The following ZDHHC3 variants were observed in gnomAD, a reference collection of about 807,000 sequenced individuals.
The protein encoded by ZDHHC3 is palmitoyltransferase ZDHHC3.
Under a neutral mutation model 30.6 loss-of-function variants are expected in ZDHHC3, and 9 were observed. The observed-to-expected ratio is 0.29, with a 90% CI of 0.18 to 0.51. The LOEUF (loss-of-function observed/expected upper bound fraction) is 0.51, where lower values mean the gene tolerates loss of function less well. Ranked by LOEUF, ZDHHC3 falls within the 20% of genes least tolerant of loss-of-function variation. The pLI, the probability that ZDHHC3 is intolerant of heterozygous loss-of-function variation, is 0.97. For synonymous variants in ZDHHC3, 136 were observed against 140.2 expected (o/e 0.97, Z 0.21); for missense variants, 246 against 384.2 (o/e 0.64, Z 3.01).
chr3:44,947,049 C>T (rs1314287406), intron 2 of ZDHHC3, among the ~76,000 whole-genome samples: 1 of 152,024 alleles, frequency 6.6e-6, no homozygotes, highest in East Asian at 1.9e-4. Flanking sequence ...GAGGATGGAG[C>T]GGGAGAAGTG....
chr3:44,924,546 G>C lies in ZDHHC3; in HGVS notation c.*2143C>G, dbSNP rs924118941. On this transcript the variant is annotated 3_prime_UTR_variant, in exon 7 of 7. Coordinates refer to ENST00000424952, the MANE Select transcript of ZDHHC3 (RefSeq NM_001135179.2). ...TAGTATGCACAGCTTTAAAGGAGGA[G>C]TTTCTATTTTTAGGACTAAAAAAAA... is the stretch of plus-strand genomic sequence containing the variant. The C allele has an allele frequency of 1.0e-6, 1 of 985,248 alleles. No homozygotes were observed. Among genetic ancestry groups the C allele is most frequent in the African/African-American group, 1.7e-5 (1 of 57,222 alleles). The allele number at this position is 985,248 out of a possible 1,614,324, so 61.0% of individuals were successfully genotyped here.
chr3:44,929,638 T>C (rs1308568515), intron 5 of ZDHHC3, among the ~76,000 whole-genome samples: 1 of 152,118 alleles, frequency 6.6e-6, no homozygotes, highest in Non-Finnish European at 1.5e-5. Context: ...GGAGGCCTCC[T>C]CAACAGGCCA....
At position 44,918,664 on chromosome 3, in the gene ZDHHC3, G is replaced by A. The variant is rs544513630; in HGVS notation, c.*8025C>T. 57 of 1,000,074 alleles carry A rather than the reference G, an allele frequency of 5.7e-5. No homozygotes were observed. The highest frequency in any genetic ancestry group is 2.1e-4 in the African/African-American group (12 of 57,808). 62.0% of individuals were successfully genotyped at this position (1,000,074 alleles called of 1,614,324 possible). ...ATGCGAGGTGAAGAAGCGGGTGCTC[G>A]TACAGCAAGTGCCAACATGCATTAG... On this transcript the variant is annotated 3_prime_UTR_variant, in exon 7 of 7. Coordinates refer to ENST00000424952, the MANE Select transcript of ZDHHC3 (RefSeq NM_001135179.2).
intron 6 of ZDHHC3, among the ~76,000 whole-genome samples, chr3:44,927,962 A>G (rs1045467572): frequency 1.3e-5 from 2 of 152,186 alleles, no homozygotes; most frequent in Admixed American, 6.5e-5. Context: ...CTTTCCTTCC[A>G]ACACAATTCT....
At chr3:44,956,801 T>C (rs771555386) in intron 2 of ZDHHC3, among the ~76,000 whole-genome samples, 3 of 152,066 alleles carry the variant, frequency 2.0e-5, no homozygotes, top group Non-Finnish European at 2.9e-5. Context: ...GAACCTCCAT[T>C]GCAAGCACAA....
rs2125795035 is a variant in ZDHHC3 at position 44,924,413 on chromosome 3, T to G, written c.*2276A>C. ...ATTCCTATCTTCTGAGAGCAACTGG[T>G]TTGAGAGCTCAGAAACATTGACTCT... On this transcript the variant is annotated 3_prime_UTR_variant, in exon 7 of 7. Transcript: ENST00000424952. The G allele has an allele frequency of 1.0e-6, 1 of 985,436 alleles. No homozygotes were observed. The highest frequency in any genetic ancestry group is 4.7e-5 in the South Asian group (1 of 21,286). 61.0% of individuals were successfully genotyped at this position (985,436 alleles called of 1,614,324 possible). A position where few individuals can be genotyped will look rare whatever the true frequency, so the allele number is the denominator to read the frequency against.
chr3:44,920,447 C>T lies in ZDHHC3; in HGVS notation c.*6242G>A, dbSNP rs144973983. The T allele has an allele frequency of 9.7e-6, 12 of 1,241,622 alleles. No homozygotes were observed. The African/African-American group carries it at 1.5e-4, about 16-fold the overall frequency. The allele number at this position is 1,241,622 out of a possible 1,614,324, so 76.9% of individuals were successfully genotyped here. A position where few individuals can be genotyped will look rare whatever the true frequency, so the allele number is the denominator to read the frequency against. The stretch of plus-strand genomic sequence containing the variant: ...AAATGACAGACTGGCTGCATCCACA[C>T]TGACTTGGACTCAAAGCCATGACCA... On this transcript the variant is annotated 3_prime_UTR_variant, in exon 7 of 7. Coordinates refer to ENST00000424952, the MANE Select transcript of ZDHHC3 (RefSeq NM_001135179.2).
Position 44,959,507 on chromosome 3 carries a change from T to G in ZDHHC3, c.-24-47A>C. The stretch of plus-strand genomic sequence containing the variant: ...CCAGAAACTTGGTGTTGTCTTGTCA[T>G]CAAGGAGGTTTGACAAAATTGCTCC... On this transcript the variant is annotated intron_variant, in intron 1 of 6. Coordinates refer to ENST00000424952, the MANE Select transcript of ZDHHC3 (RefSeq NM_001135179.2). The surrounding 1 kb of genome is among the most constrained non-coding windows in gnomAD (Gnocchi z 4.3). 1 of 1,539,148 alleles carries G rather than the reference T, an allele frequency of 6.5e-7. No homozygotes were observed. The highest frequency in any genetic ancestry group is 8.8e-7 in the Non-Finnish European group (1 of 1,137,934).
chr3:44,931,158 T>C lies in ZDHHC3; in HGVS notation c.611-1722A>G, dbSNP rs1445195042. Among the ~76,000 whole-genome samples, 4 of 152,240 alleles carry C rather than the reference T, an allele frequency of 2.6e-5. No homozygotes were observed. The South Asian group carries it at 8.3e-4, about 31-fold the overall frequency. On this transcript the variant is annotated intron_variant, in intron 5 of 6. Coordinates refer to ENST00000424952, the MANE Select transcript of ZDHHC3 (RefSeq NM_001135179.2). ...CAACAAAAGGATCTGGGCAAGAGGT[T>C]TGGGCTTTCTGAGATTTTGTTTTCC...
chr3:44,966,386 C>T (rs1704954479), intron 1 of ZDHHC3, among the ~76,000 whole-genome samples: 1 of 152,192 alleles, frequency 6.6e-6, no homozygotes, highest in African/African-American at 2.4e-5. Context: ...TGAATTCCCA[C>T]CTAAACTAAT....
rs565922070 is a variant in ZDHHC3, at chr3:44,958,167, G to A, written c.306+964C>T. 6.6e-5 allele frequency among the ~76,000 whole-genome samples: 10 copies of A among 152,292 alleles called. No homozygotes were observed. In the South Asian group the frequency reaches 2.1e-3, roughly 32 times the overall value. On this transcript the variant is annotated intron_variant, in intron 2 of 6. Coordinates refer to ENST00000424952, the MANE Select transcript of ZDHHC3 (RefSeq NM_001135179.2). ...ATGCGCAGGAACAGAGATGCTGTCT[G>A]GACCAGTGGCTGATATGTAATTGAG...
At position 44,959,397 on chromosome 3, in the gene ZDHHC3, G is replaced by A. The variant is rs374733873; in HGVS notation, c.40C>T (p.Arg14Trp). 14 of 1,614,032 alleles carry A rather than the reference G, an allele frequency of 8.7e-6. No individual in the cohort carries two copies. Among genetic ancestry groups the A allele is most frequent in the Non-Finnish European group, 1.1e-5 (13 of 1,180,010 alleles). Reference protein sequence around the residue: ...IPTHHFRNIERKPEYLQPEKC... With the variant: ...IPTHHFRNIEWKPEYLQPEKC... ...TCTGGCTGGAGGTATTCTGGTTTCC[G>A]CTCAATGTTTCGGAAGTGGTGGGTG... is the stretch of plus-strand genomic sequence containing the variant. The change falls in exon 2 of 7, where the codon CGG (arginine) becomes TGG (tryptophan). Residue 14 changes from arginine to tryptophan, a missense_variant. Physicochemically the swap from Arg to Trp is moderately radical, Grantham distance 101. Transcript: ENST00000424952. The surrounding 1 kb of genome is among the most constrained non-coding windows in gnomAD (Gnocchi z 4.3).
Position 44,920,886 on chromosome 3 carries a change from T to C in ZDHHC3, c.*5803A>G. On this transcript the variant is annotated 3_prime_UTR_variant, in exon 7 of 7. Transcript: ENST00000424952. The stretch of plus-strand genomic sequence containing the variant: ...TTCAGGGAGTGTTGACTTTTGAGTC[T>C]AGAAAGAAAATATTGCAAACAAATC... 1.0e-6 allele frequency: 1 copy of C among 985,408 alleles called. No individual in the cohort carries two copies. Among genetic ancestry groups the C allele is most frequent in the African/African-American group, 1.7e-5 (1 of 57,346 alleles). The allele number at this position is 985,408 out of a possible 1,614,324, so 61.0% of individuals were successfully genotyped here.
chr3:44,940,819 T>C (rs1702378852), intron 3 of ZDHHC3, among the ~76,000 whole-genome samples: 1 of 152,192 alleles, frequency 6.6e-6, no homozygotes, highest in Non-Finnish European at 1.5e-5. Flanking sequence ...ATGAGGGCCC[T>C]TACTTGGTAC....
At chr3:44,926,986 T>C in intron 6 of ZDHHC3, 139 bp from the exon 7 acceptor site, 1 of 1,198,874 alleles carries the variant, frequency 8.3e-7, no homozygotes, top group Non-Finnish European at 1.1e-6. Flanking sequence ...TATATCTTTC[T>C]CATAAAAAGT....
rs887914265 is a variant in ZDHHC3, at chr3:44,920,144, A to T, written c.*6545T>A. 2 of 1,264,438 alleles carry T rather than the reference A, an allele frequency of 1.6e-6. No homozygotes were observed. The highest frequency in any genetic ancestry group is 3.1e-5 in the African/African-American group (2 of 65,196). The allele number at this position is 1,264,438 out of a possible 1,614,324, so 78.3% of individuals were successfully genotyped here. On this transcript the variant is annotated 3_prime_UTR_variant, in exon 7 of 7. Transcript: ENST00000424952. ...ATGTTACTTTTATAATCAGAACAAA[A>T]ATAGTTGTTTCAGAAAATGGATCTT...
At position 44,963,071 on chromosome 3, in the gene ZDHHC3, C is replaced by A. The variant is rs17030573; in HGVS notation, c.-24-3611G>T. The stretch of plus-strand genomic sequence containing the variant: ...GAGATTTGTGATCCCAGGCCCACTT[C>A]TTAGAGGCACTGTCTGCTTAGTTTC... On this transcript the variant is annotated intron_variant, in intron 1 of 6. Transcript: ENST00000424952. 1.4e-3 allele frequency among the ~76,000 whole-genome samples: 207 copies of A among 152,318 alleles called. 11 individuals are homozygous for A. The East Asian group carries it at 0.038, about 28-fold the overall frequency.
chr3:44,948,084 A>G (rs1304262343), intron 2 of ZDHHC3, among the ~76,000 whole-genome samples: 1 of 152,198 alleles, frequency 6.6e-6, no homozygotes, highest in Non-Finnish European at 1.5e-5. Flanking sequence ...CACCCATGAG[A>G]TACCACAATC....
intron 2 of ZDHHC3, among the ~76,000 whole-genome samples, chr3:44,953,639 C>T (rs117884777): frequency 6.6e-6 from 1 of 152,318 alleles, no homozygotes; most frequent in East Asian, 1.9e-4. Context: ...TGGTAACCAA[C>T]CCCAGGCCTG....
Sources: gnomAD v4.1 joint callset for allele counts (sites outside exome capture counted in the v4.1 genomes callset) on GRCh38, gnomAD v4.1.1 for gene constraint, Gnocchi (gnomAD v3.1) non-coding constraint, MANE v1.5 for transcripts, NCBI Gene and HGNC (gene_info 2026-07-23, HGNC 2026-07-21) for gene names.